The following PCDHA11 variants were observed in gnomAD, a reference collection of about 807,000 sequenced individuals.
PCDHA11 encodes the protein protocadherin alpha-11.
Under a neutral mutation model 70.3 loss-of-function variants are expected in PCDHA11, and 61 were observed. The ratio of observed to expected loss-of-function variants is 0.87; its 90% confidence interval spans 0.71 to 1.07. PCDHA11 has a LOEUF of 1.07. PCDHA11 is among the 50% of genes least tolerant of loss of function. The pLI, the probability that PCDHA11 is intolerant of heterozygous loss-of-function variation, is 0.00. For synonymous variants in PCDHA11, 633 were observed against 555.1 expected (o/e 1.14, Z -1.97); for missense variants, 1,324 against 1,237.5 (o/e 1.07, Z -1.05).
intron 1 of PCDHA11, among the ~76,000 whole-genome samples, chr5:140,895,788 G>A (rs947578940): frequency 3.9e-5 from 6 of 152,014 alleles, no homozygotes; most frequent in East Asian, 1.9e-4. Context: ...ATTCAATGAC[G>A]TATATGTACA....
chr5:140,903,987 C>A (rs1324981597), intron 1 of PCDHA11, among the ~76,000 whole-genome samples: 1 of 152,146 alleles, frequency 6.6e-6, no homozygotes, highest in Non-Finnish European at 1.5e-5. Flanking sequence ...CACAATGTAA[C>A]AGCTACAAAT....
chr5:141,007,671 A>G (rs1161141271), intron 3 of PCDHA11, among the ~76,000 whole-genome samples: 1 of 152,184 alleles, frequency 6.6e-6, no homozygotes, highest in African/African-American at 2.4e-5. Context: ...TTACAAAGAC[A>G]AAAGTTATCC....
At chr5:140,941,196 TTTCTTC>T (rs1563183935) in intron 1 of PCDHA11, among the ~76,000 whole-genome samples, 3 of 111,280 alleles carry the variant, frequency 2.7e-5, no homozygotes, top group East Asian at 2.3e-4. Context: ...TTTTTTTTTC[TTTCTTC>T]CTTTCTTTCT....
intron 1 of PCDHA11, among the ~76,000 whole-genome samples, chr5:140,964,743 T>C (rs1373954630): frequency 6.7e-6 from 1 of 150,048 alleles, no homozygotes; most frequent in Non-Finnish European, 1.5e-5. Flanking sequence ...ACAGAATTAT[T>C]GTAGGGATGT....
Position 141,010,344 on chromosome 5 carries a change from G to A in PCDHA11, c.*407G>A, listed in dbSNP as rs1011321402. On this transcript the variant is annotated 3_prime_UTR_variant, in exon 4 of 4. Coordinates refer to ENST00000398640, the MANE Select transcript of PCDHA11 (RefSeq NM_018902.5). Reference sequence around the variant, plus strand: ...CAGCTTGGGAGTTTGTGGCCACTGGGTATGTGTGGCTACCGCGGGTATGCG... The same window carrying A: ...CAGCTTGGGAGTTTGTGGCCACTGGATATGTGTGGCTACCGCGGGTATGCG... 3 of 1,518,888 alleles carry A rather than the reference G, an allele frequency of 2.0e-6. No homozygotes were observed. The Admixed American group carries it at 6.4e-5, about 33-fold the overall frequency. 94.1% of individuals were successfully genotyped at this position (1,518,888 alleles called of 1,614,324 possible).
chr5:140,986,732 C>T (rs1427962629), intron 3 of PCDHA11, among the ~76,000 whole-genome samples: 1 of 152,150 alleles, frequency 6.6e-6, no homozygotes, highest in African/African-American at 2.4e-5. Context: ...CTTCTCAAGA[C>T]CCCAGGGGAT....
At chr5:140,901,982 A>G (rs1250710466) in intron 1 of PCDHA11, among the ~76,000 whole-genome samples, 2 of 151,818 alleles carry the variant, frequency 1.3e-5, no homozygotes, top group Non-Finnish European at 1.5e-5. Flanking sequence ...TTACTTTTTA[A>G]TTTCATTTTC....
At chr5:140,979,817 A>G (rs1228260788) in intron 2 of PCDHA11, among the ~76,000 whole-genome samples, 1 of 152,262 alleles carries the variant, frequency 6.6e-6, no homozygotes, top group Non-Finnish European at 1.5e-5. Flanking sequence ...AAAAGGATTT[A>G]ATTTTAAAGA....
chr5:140,886,910 T>C (rs1373910489), intron 1 of PCDHA11, among the ~76,000 whole-genome samples: 1 of 152,100 alleles, frequency 6.6e-6, no homozygotes, highest in African/African-American at 2.4e-5. Context: ...TAAATACTTA[T>C]TGAGTGTTCT....
chr5:140,977,681 A>G (rs1363970729), intron 1 of PCDHA11, among the ~76,000 whole-genome samples: 2 of 152,208 alleles, frequency 1.3e-5, no homozygotes, highest in African/African-American at 4.8e-5. Context: ...AATATCATGT[A>G]GCCATCCAGA....
rs782097851 is a variant in PCDHA11, at chr5:140,869,233, T to G, written c.130T>G (p.Phe44Val). The change falls in exon 1 of 4, where the codon TTC (phenylalanine) becomes GTC (valine). Residue 44 changes from phenylalanine (F) to valine (V), a missense_variant. Transcript: ENST00000398640. Reference protein sequence around the residue: ...SVSEEAKHGTFVGRIAQDLGL... With the variant: ...SVSEEAKHGTVVGRIAQDLGL... Reference sequence around the variant, plus strand: ...CTCGGAGGAGGCCAAACACGGCACCTTCGTGGGCCGCATCGCGCAGGACCT... The same window carrying G: ...CTCGGAGGAGGCCAAACACGGCACCGTCGTGGGCCGCATCGCGCAGGACCT... 7 of 1,613,700 alleles carry G rather than the reference T, an allele frequency of 4.3e-6. No homozygotes were observed. Among genetic ancestry groups the G allele is most frequent in the Non-Finnish European group, 5.9e-6 (7 of 1,179,946 alleles).
chr5:140,981,185 T>C (rs2096921770), intron 2 of PCDHA11, among the ~76,000 whole-genome samples: 1 of 152,224 alleles, frequency 6.6e-6, no homozygotes. Flanking sequence ...TAGTTCAAGT[T>C]TGCCTGCTCT....
At chr5:140,891,371 T>C (rs1483919316) in intron 1 of PCDHA11, among the ~76,000 whole-genome samples, 1 of 152,146 alleles carries the variant, frequency 6.6e-6, no homozygotes, top group Non-Finnish European at 1.5e-5. Flanking sequence ...CAGTATACAT[T>C]GCACCATATT....
At position 140,998,856 on chromosome 5, in the gene PCDHA11, C is replaced by T. The variant is rs77103467; in HGVS notation, c.2540-10771C>T. 2.6e-3 allele frequency among the ~76,000 whole-genome samples: 397 copies of T among 152,354 alleles called. 2 individuals carry two copies. Among genetic ancestry groups the T allele is most frequent in the African/African-American group, 9.1e-3 (380 of 41,584 alleles). ...TGGATTACTGGTGTGAGCCACATGC[C>T]TGGCCTTGTAAATAATAAGTTTAGT... On this transcript the variant is annotated intron_variant, in intron 3 of 3. Coordinates refer to ENST00000398640, the MANE Select transcript of PCDHA11 (RefSeq NM_018902.5).
At chr5:140,904,275 C>A (rs169087) in intron 1 of PCDHA11, among the ~76,000 whole-genome samples, 7,060 of 152,068 alleles carry the variant, frequency 0.046, 292 homozygotes, top group African/African-American at 0.11. Flanking sequence ...TGAATGAGAA[C>A]ATGTGGTGTT....
intron 3 of PCDHA11, among the ~76,000 whole-genome samples, chr5:141,007,302 G>A (rs1211833053): frequency 6.7e-6 from 1 of 150,298 alleles, no homozygotes; most frequent in Non-Finnish European, 1.5e-5. Context: ...TGTAATCTTA[G>A]CATTTTGGGA....
At chr5:140,938,214 G>C (rs2091981626) in intron 1 of PCDHA11, among the ~76,000 whole-genome samples, 1 of 152,148 alleles carries the variant, frequency 6.6e-6, no homozygotes, top group Non-Finnish European at 1.5e-5. Context: ...CCAAAGTGCT[G>C]GGATTACAGG....
chr5:140,962,944 G>T (rs572517623), intron 1 of PCDHA11, among the ~76,000 whole-genome samples: 1 of 152,158 alleles, frequency 6.6e-6, no homozygotes, highest in East Asian at 1.9e-4. Flanking sequence ...CTCTCCATAA[G>T]ATATGCTCTA....
chr5:140,936,003 C>T (rs1362734996), intron 1 of PCDHA11, among the ~76,000 whole-genome samples: 22 of 151,556 alleles, frequency 1.5e-4, no homozygotes, highest in Non-Finnish European at 1.5e-4. Context: ...AGCGATTCTC[C>T]CACCTCAGCC....
Sources: allele counts gnomAD v4.1 joint callset (sites outside exome capture counted in the v4.1 genomes callset), GRCh38; gene constraint gnomAD v4.1.1; transcripts MANE v1.5; gene names NCBI Gene and HGNC (gene_info 2026-07-23, HGNC 2026-07-21).